Variants in GPI observed in about 807,000 individuals in gnomAD.
GPI encodes the protein glucose-6-phosphate isomerase.
GPI carries 56 observed loss-of-function variants against 75.8 expected under a neutral mutation model. The observed-to-expected ratio is 0.74, with a 90% CI of 0.60 to 0.92. The LOEUF is 0.92. Ranked by LOEUF, GPI falls within the 40% of genes least tolerant of loss-of-function variation. The pLI, the probability that GPI is intolerant of heterozygous loss-of-function variation, is 0.00. For missense variants in GPI, 638 were observed against 741.0 expected, an observed-to-expected ratio of 0.86 and a Z score of 1.61; for synonymous variants, 288 against 285.4, an observed-to-expected ratio of 1.01 and a Z score of -0.09.
chr19:34,381,702 C>T (rs2074656310), intron 9 of GPI, 183 bp downstream of exon 9: 1 of 667,450 alleles, frequency 1.5e-6, no homozygotes, highest in Non-Finnish European at 2.7e-6. Flanking sequence ...GATGAGGGCT[C>T]CACTTCCACC....
In GPI at chr19:34,401,379, G is replaced by A. The variant is rs7260568; in HGVS notation, c.*1343G>A. The A allele has an allele frequency of 0.23, 34,598 of 151,872 alleles. 4,519 individuals carry two copies. The highest frequency in any genetic ancestry group is 0.63 in the East Asian group (3,211 of 5,130). The allele number at this position is 151,872 out of a possible 1,614,324, so 9.4% of individuals were successfully genotyped here. A position where few individuals can be genotyped will look rare whatever the true frequency, so the allele number is the denominator to read the frequency against. ...AGTACAGGCACCTGCCACCATGCCC[G>A]GCTAATTTTTTATATATTTTTTTAG... On this transcript the variant is annotated 3_prime_UTR_variant, in exon 18 of 18. Transcript: ENST00000356487.
chr19:34,368,610 C>A lies in GPI; in HGVS notation c.310C>A (p.Arg104=), dbSNP rs2074402358. 1 of 1,614,032 alleles carries A rather than the reference C, an allele frequency of 6.2e-7. No homozygotes were observed. Residue 104 remains arginine (R), a synonymous_variant, in exon 4 of 18, where the codon CGG becomes AGG. Coordinates refer to ENST00000356487, the MANE Select transcript of GPI (RefSeq NM_000175.5). ...TCGAGCCGTGCTGCACGTGGCTCTG[C>A]GGAACCGGTCAAACACACCCATCCT... The part of the protein sequence containing the change: ...EGRAVLHVAL[R]NRSNTPILVD...
At chr19:34,372,307 CT>C (rs759555020) in intron 4 of GPI, among the ~76,000 whole-genome samples, 13 of 152,238 alleles carry the variant, frequency 8.5e-5, no homozygotes, top group Non-Finnish European at 1.6e-4. Context: ...TATTTTATTT[CT>C]TTCTGTATTG....
At chr19:34,390,813 T>C (rs991105379) in intron 9 of GPI, among the ~76,000 whole-genome samples, 2 of 145,592 alleles carry the variant, frequency 1.4e-5, no homozygotes, top group Non-Finnish European at 3.0e-5. Flanking sequence ...GGCACAGGTA[T>C]GAGAATCTGG....
intron 14 of GPI, chr19:34,398,844 G>C (rs1473809290): frequency 9.5e-6 from 2 of 210,160 alleles, no homozygotes; most frequent in African/African-American, 4.6e-5. Flanking sequence ...CCTGATGACA[G>C]GCATGCGCCA....
At position 34,376,282 on chromosome 19, in the gene GPI, G is replaced by C. The variant is rs535705722; in HGVS notation, c.403-1221G>C. The stretch of plus-strand genomic sequence containing the variant: ...CTACAAAAAATAAAATAGGCTTTGC[G>C]TGGTGGCTCATGCCTGTAATCCAAG... On this transcript the variant is annotated intron_variant, in intron 4 of 17. Transcript: ENST00000356487. 8.5e-5 allele frequency among the ~76,000 whole-genome samples: 13 copies of C among 152,300 alleles called. No individual in the cohort carries two copies. In the South Asian group the frequency reaches 2.7e-3, roughly 32 times the overall value.
chr19:34,401,681 C>T lies in GPI; in HGVS notation c.*1645C>T, dbSNP rs1407651355. Reference sequence around the variant, plus strand: ...TCTTAGAGACAGGGTCTTTGTTGCCCAGGCTGGACTGCAGTGATACAATCA... The same window carrying T: ...TCTTAGAGACAGGGTCTTTGTTGCCTAGGCTGGACTGCAGTGATACAATCA... On this transcript the variant is annotated 3_prime_UTR_variant, in exon 18 of 18. Transcript: ENST00000356487. The T allele has an allele frequency of 6.6e-6, 1 of 152,080 alleles. No individual in the cohort carries two copies. Among genetic ancestry groups the T allele is most frequent in the Non-Finnish European group, 1.5e-5 (1 of 68,046 alleles). 9.4% of individuals were successfully genotyped at this position (152,080 alleles called of 1,614,324 possible).
chr19:34,379,197 A>G (rs1240550667), intron 7 of GPI, among the ~76,000 whole-genome samples, 192 bp downstream of exon 7: 1 of 152,236 alleles, frequency 6.6e-6, no homozygotes, highest in Non-Finnish European at 1.5e-5. Context: ...CAGATGTGAC[A>G]GAACCTGCTC....
upstream of GPI, among the ~76,000 whole-genome samples, chr19:34,360,431 A>G (rs2074295153): frequency 6.6e-6 from 1 of 151,924 alleles, no homozygotes; most frequent in Non-Finnish European, 1.5e-5. Flanking sequence ...AGTCTCTACA[A>G]ATAATAATAA....
intron 1 of GPI, chr19:34,366,068 C>G (rs1158517738): frequency 1.5e-6 from 1 of 657,376 alleles, no homozygotes; most frequent in Non-Finnish European, 2.8e-6. Context: ...AAAGTGGAAG[C>G]CCTGGGAAGG....
Position 34,378,974 on chromosome 19 carries a change from C to T in GPI, c.674C>T (p.Ala225Val), listed in dbSNP as rs144595244. 2.0e-5 allele frequency: 33 copies of T among 1,614,034 alleles called. No individual in the cohort carries two copies. The highest frequency in any genetic ancestry group is 5.5e-5 in the South Asian group (5 of 91,086). ...GAGACCATCACGAATGCAGAGACGGCGAAGGAGTGGTTTCTCCAGGCGGCC... is the reference window on the plus strand; with the variant it reads ...GAGACCATCACGAATGCAGAGACGGTGAAGGAGTGGTTTCTCCAGGCGGCC... ...TQETITNAET[A>V]KEWFLQAAKD... is the part of the protein sequence containing the mutation. Residue 225 changes from alanine (A) to valine (V), a missense_variant, in exon 7 of 18, where the codon GCG becomes GTG. Ala to Val is a moderately conservative substitution (Grantham distance 64). Coordinates refer to ENST00000356487, the MANE Select transcript of GPI (RefSeq NM_000175.5).
In GPI at chr19:34,365,313, G is replaced by A; in HGVS notation, c.47G>A (p.Trp16Ter). 6.3e-7 allele frequency: 1 copy of A among 1,587,876 alleles called. No individual in the cohort carries two copies. Among genetic ancestry groups the A allele is most frequent in the Non-Finnish European group, 8.6e-7 (1 of 1,169,106 alleles). Reference sequence around the variant, plus strand: ...CCCCAGTTCCAGAAGCTGCAGCAATGGTACCGCGAGCACCGCTCCGAGCTG... The same window carrying A: ...CCCCAGTTCCAGAAGCTGCAGCAATAGTACCGCGAGCACCGCTCCGAGCTG... Reference protein sequence around the residue: ...RDPQFQKLQQWYREHRSELNL... With the variant: ...RDPQFQKLQQ The change falls in exon 1 of 18, where the codon TGG becomes TAG. Residue 16 changes from tryptophan (W) to a stop codon, truncating the protein, a stop_gained. Transcript: ENST00000356487. LOFTEE classifies it high-confidence loss of function.
intron 4 of GPI, chr19:34,368,916 G>A (rs1164841315): frequency 1.6e-6 from 1 of 629,344 alleles, no homozygotes; most frequent in Non-Finnish European, 2.8e-6. Flanking sequence ...ATCTGCTGCT[G>A]GCAGAAGTGG....
intron 8 of GPI, among the ~76,000 whole-genome samples, chr19:34,380,087 T>C (rs1305754584): frequency 4.8e-5 from 7 of 146,960 alleles, no homozygotes. Context: ...ACCTCTGCCT[T>C]CCAGGTTCAA....
chr19:34,365,394 G>T lies in GPI; in HGVS notation c.122+6G>T. On this transcript the variant is annotated splice_donor_region_variant and intron_variant, in intron 1 of 17. Coordinates refer to ENST00000356487, the MANE Select transcript of GPI (RefSeq NM_000175.5). ...GACCGCTTCAACCACTTCAGGTGCG[G>T]GCGGGCCGGAGGCGGGGGCTGCCAC... 6.4e-7 allele frequency: 1 copy of T among 1,573,396 alleles called. No homozygotes were observed. Among genetic ancestry groups the T allele is most frequent in the Non-Finnish European group, 8.6e-7 (1 of 1,163,836 alleles).
At chr19:34,379,998 T>TTTTTG (rs1568335994) in intron 8 of GPI, 1 of 207,874 alleles carries the variant, frequency 4.8e-6, no homozygotes, top group African/African-American at 2.6e-5. Flanking sequence ...TTGTTTTTTT[T>TTTTTG]TTTTTTTTTT....
In GPI at chr19:34,377,839, C is replaced by G; in HGVS notation, c.591C>G (p.Ala197=). The change falls in exon 6 of 18, where the codon GCC becomes GCG. Residue 197 remains alanine, a synonymous_variant. Coordinates refer to ENST00000356487, the MANE Select transcript of GPI (RefSeq NM_000175.5). ...IDGTHIAKTL[A]QLNPESSLFI... ...GAACTCACATTGCCAAAACCCTGGCCCAGCTGAACCCCGAGTCCTCCCTGT... is the reference window on the plus strand; with the variant it reads ...GAACTCACATTGCCAAAACCCTGGCGCAGCTGAACCCCGAGTCCTCCCTGT... 1.2e-6 allele frequency: 2 copies of G among 1,614,110 alleles called. No individual in the cohort carries two copies. Among genetic ancestry groups the G allele is most frequent in the Non-Finnish European group, 1.7e-6 (2 of 1,179,994 alleles).
rs769449077 is a variant in GPI at position 34,396,388 on chromosome 19, G to T, written c.1150G>T (p.Gly384Trp). 1 of 1,614,252 alleles carries T rather than the reference G, an allele frequency of 6.2e-7. No individual in the cohort carries two copies. The highest frequency in any genetic ancestry group is 8.5e-7 in the Non-Finnish European group (1 of 1,180,030). ...AGGCCCCATTGTGTGGGGGGAGCCA[G>T]GGACCAATGGCCAGCATGCTTTTTA... ...QTGPIVWGEP[G>W]TNGQHAFYQL... Residue 384 changes from glycine to tryptophan, a missense_variant, in exon 13 of 18, where the codon GGG (glycine) becomes TGG (tryptophan). Transcript: ENST00000356487.
rs2075024459 is a variant in GPI at position 34,401,665 on chromosome 19, C to T, written c.*1629C>T. 6.6e-6 allele frequency: 1 copy of T among 151,678 alleles called. No individual in the cohort carries two copies. Among genetic ancestry groups the T allele is most frequent in the South Asian group, 2.1e-4 (1 of 4,806 alleles). 9.4% of individuals were successfully genotyped at this position (151,678 alleles called of 1,614,324 possible). A position where few individuals can be genotyped will look rare whatever the true frequency, so the allele number is the denominator to read the frequency against. The stretch of plus-strand genomic sequence containing the variant: ...ATTCAAAATTTTTTTTTCTTAGAGA[C>T]AGGGTCTTTGTTGCCCAGGCTGGAC... On this transcript the variant is annotated 3_prime_UTR_variant, in exon 18 of 18. Transcript: ENST00000356487.
Sources: gnomAD v4.1 joint callset for allele counts (sites outside exome capture counted in the v4.1 genomes callset) on GRCh38, gnomAD v4.1.1 for gene constraint, MANE v1.5 for transcripts, NCBI Gene and HGNC (gene_info 2026-07-23, HGNC 2026-07-21) for gene names.